FOXP2: variants seen among roughly 807,000 people sequenced by gnomAD.
FOXP2 encodes the protein forkhead box protein P2.
FOXP2 carries 12 observed loss-of-function variants against 115.8 expected under a neutral mutation model. That is an observed-to-expected ratio of 0.10 (90% CI 0.07 to 0.17). The LOEUF (loss-of-function observed/expected upper bound fraction) is 0.17. Among genes scored for constraint, FOXP2 ranks in the 10% least tolerant of loss-of-function variants. The pLI, the probability that FOXP2 is intolerant of heterozygous loss-of-function variation, is 1.00. For missense variants in FOXP2, 629 were observed against 843.5 expected, an observed-to-expected ratio of 0.75 and a Z score of 3.15; for synonymous variants, 328 against 297.7, an observed-to-expected ratio of 1.10 and a Z score of -1.05.
rs112346340 is a variant in FOXP2 at position 114,275,804 on chromosome 7, T to C, written c.-101-12215T>C. Among the ~76,000 whole-genome samples, 195 of 152,320 alleles carry C rather than the reference T, an allele frequency of 1.3e-3. 1 individual carries two copies. The highest frequency in any genetic ancestry group is 4.4e-3 in the African/African-American group (181 of 41,582). ...AAAGAAACTGCTGTAAATGGGCCTT[T>C]AGTAATGTGATGGTGAGGTTTGGGA... On this transcript the variant is annotated intron_variant, in intron 1 of 17. Transcript: ENST00000634411.
intron 3 of FOXP2, among the ~76,000 whole-genome samples, chr7:114,560,625 G>A (rs1338589017): frequency 4.0e-5 from 6 of 151,504 alleles, no homozygotes; most frequent in South Asian, 2.1e-4. Flanking sequence ...CCCCGCCTCC[G>A]CCAAAAAAAA....
intron 2 of FOXP2, among the ~76,000 whole-genome samples, chr7:114,517,496 T>C (rs2129266853): frequency 6.6e-6 from 1 of 152,320 alleles, no homozygotes; most frequent in African/African-American, 2.4e-5. Flanking sequence ...GTTTATGGTG[T>C]GAGATGAGGG....
At chr7:114,235,710 G>C (rs1010830394) in intron 1 of FOXP2, among the ~76,000 whole-genome samples, 3 of 152,094 alleles carry the variant, frequency 2.0e-5, no homozygotes, top group African/African-American at 7.2e-5. Flanking sequence ...GGCAAGTTTG[G>C]TTAAGCCTCC....
rs565889800 is a variant in FOXP2 at position 114,376,147 on chromosome 7, G to A, written c.-10-50355G>A. ...AGAAAGGAGAAAAATGGAAGAGGTA[G>A]GTACTTTCTTTTAATAGCACAACCA... On this transcript the variant is annotated intron_variant, in intron 2 of 17. Coordinates refer to the FOXP2 transcript ENST00000634411. 3.9e-4 allele frequency among the ~76,000 whole-genome samples: 60 copies of A among 152,236 alleles called. 1 individual carries two copies. In the South Asian group the frequency reaches 0.012, roughly 30 times the overall value.
chr7:114,517,973 A>T (rs1486929756), intron 2 of FOXP2, among the ~76,000 whole-genome samples: 1 of 152,110 alleles, frequency 6.6e-6, no homozygotes, highest in Non-Finnish European at 1.5e-5. Flanking sequence ...GATATCTGTC[A>T]ATTTGTTGGT....
chr7:114,302,392 G>A (rs1172587612), intron 2 of FOXP2, among the ~76,000 whole-genome samples: 1 of 152,016 alleles, frequency 6.6e-6, no homozygotes, highest in Non-Finnish European at 1.5e-5. Context: ...GAAGTTCCTA[G>A]TTGCTTCATA....
At chr7:114,432,891 C>A (rs896854106) in intron 2 of FOXP2, among the ~76,000 whole-genome samples, 1 of 151,954 alleles carries the variant, frequency 6.6e-6, no homozygotes, top group Non-Finnish European at 1.5e-5. Flanking sequence ...GTTCTATTAT[C>A]ATCCACAGTT....
In FOXP2 at chr7:114,689,824, T is replaced by G; in HGVS notation, c.2046T>G (p.Asp682Glu). The G allele has an allele frequency of 6.2e-7, 1 of 1,613,544 alleles. No individual in the cohort carries two copies. Among genetic ancestry groups the G allele is most frequent in the Non-Finnish European group, 8.5e-7 (1 of 1,179,584 alleles). Residue 682 changes from aspartate to glutamate, a missense_variant, in exon 17 of 17, where the codon GAT becomes GAG. Transcript: ENST00000350908. ...AGGAAGAGCCAGTGATTGCAGAGGATGAAGACTGCCCAATGTCCTTAGTGA... is the reference window on the plus strand; with the variant it reads ...AGGAAGAGCCAGTGATTGCAGAGGAGGAAGACTGCCCAATGTCCTTAGTGA... ...HVKEEPVIAE[D>E]EDCPMSLVTT...
Position 114,659,157 on chromosome 7 carries a change from A to G in FOXP2, c.1469-199A>G, listed in dbSNP as rs543387044. 2.4e-4 allele frequency among the ~76,000 whole-genome samples: 37 copies of G among 152,316 alleles called. 2 individuals carry two copies. Among genetic ancestry groups the G allele is most frequent in the African/African-American group, 7.2e-4 (30 of 41,566 alleles). ...CACAGTTCCTGAAGTACCACGAACA[A>G]CTAGGGGATGCTTCATTTGCACTTC... On this transcript the variant is annotated intron_variant, in intron 11 of 16. Transcript: ENST00000350908.
At chr7:114,237,393 A>C (rs540330910) in intron 1 of FOXP2, among the ~76,000 whole-genome samples, 8 of 152,240 alleles carry the variant, frequency 5.3e-5, no homozygotes, top group Non-Finnish European at 1.2e-4. Context: ...CAGTTTCTTC[A>C]GGCATAAAAT....
chr7:114,636,772 C>T (rs2129330551), intron 6 of FOXP2, among the ~76,000 whole-genome samples: 1 of 151,986 alleles, frequency 6.6e-6, no homozygotes, highest in Admixed American at 6.6e-5. Flanking sequence ...TTTTAAACTT[C>T]GTGTGCCTTA....
chr7:114,149,198 G>A (rs1179030787), intron 1 of FOXP2, among the ~76,000 whole-genome samples: 2 of 151,978 alleles, frequency 1.3e-5, no homozygotes, highest in African/African-American at 2.4e-5. Context: ...ATTGGAAAAA[G>A]TGTTCAATTT....
chr7:114,377,673 G>A (rs1393587781), intron 2 of FOXP2, among the ~76,000 whole-genome samples: 2 of 152,200 alleles, frequency 1.3e-5, no homozygotes, highest in African/African-American at 4.8e-5. Flanking sequence ...GACAGTCATA[G>A]GATCTTAGGT....
At chr7:114,140,035 C>T (rs974059560) in intron 1 of FOXP2, among the ~76,000 whole-genome samples, 3 of 152,122 alleles carry the variant, frequency 2.0e-5, no homozygotes, top group Admixed American at 6.6e-5. Context: ...ATCACTTGAA[C>T]CCAAGAGGTG....
intron 2 of FOXP2, among the ~76,000 whole-genome samples, chr7:114,459,330 G>A (rs1167841770): frequency 6.6e-6 from 1 of 152,156 alleles, no homozygotes; most frequent in Non-Finnish European, 1.5e-5. Flanking sequence ...AGCTGCCATG[G>A]TATCCTTTAT....
intron 3 of FOXP2, among the ~76,000 whole-genome samples, chr7:114,584,548 C>T (rs1802032624): frequency 6.6e-6 from 1 of 152,172 alleles, no homozygotes; most frequent in Non-Finnish European, 1.5e-5. Context: ...TTCTGTTTGT[C>T]AGTCTAAACA....
intron 1 of FOXP2, among the ~76,000 whole-genome samples, chr7:114,284,334 G>A (rs1191594063): frequency 6.6e-6 from 1 of 151,838 alleles, no homozygotes; most frequent in East Asian, 1.9e-4. Context: ...TTCCATAAGA[G>A]CAGAGTTGTG....
intron 1 of FOXP2, among the ~76,000 whole-genome samples, chr7:114,260,307 C>T (rs766114509): frequency 3.3e-5 from 5 of 151,938 alleles, no homozygotes; most frequent in Non-Finnish European, 5.9e-5. Context: ...TCAGGGATGG[C>T]CTTGTGAATT....
intron 1 of FOXP2, among the ~76,000 whole-genome samples, chr7:114,264,059 A>G (rs1489401662): frequency 1.3e-5 from 2 of 152,042 alleles, no homozygotes; most frequent in African/African-American, 4.8e-5. Context: ...GAGTTCTGAA[A>G]GTGTGTCTAG....
Sources: allele counts gnomAD v4.1 joint callset (sites outside exome capture counted in the v4.1 genomes callset), GRCh38; gene constraint gnomAD v4.1.1; transcripts MANE v1.5; gene names NCBI Gene and HGNC (gene_info 2026-07-23, HGNC 2026-07-21).